The following EME2 variants were observed in gnomAD, a reference collection of about 807,000 sequenced individuals.
The protein encoded by EME2 is essential meiotic structure-specific endonuclease subunit 2.
A neutral mutation model predicts 41.9 loss-of-function variants in EME2; 58 were observed. That is an observed-to-expected ratio of 1.38 (90% CI 1.12 to 1.72). The LOEUF (loss-of-function observed/expected upper bound fraction) is 1.72. EME2 is among the 40% of genes most tolerant of loss of function. The probability of loss-of-function intolerance (pLI) is 0.00; values close to 1 mark genes in which losing one functional copy is unlikely to be tolerated. For synonymous variants in EME2, 334 were observed against 239.3 expected (o/e 1.40, Z -3.65); for missense variants, 695 against 541.9 (o/e 1.28, Z -2.81).
Position 1,781,283 on chromosome 16 carries a change from G to A in EME2, c.*5045G>A, listed in dbSNP as rs767664829. The A allele has an allele frequency of 9.3e-6, 15 of 1,611,760 alleles. No individual in the cohort carries two copies. Among genetic ancestry groups the A allele is most frequent in the East Asian group, 6.7e-5 (3 of 44,894 alleles). On this transcript the variant is annotated 3_prime_UTR_variant, in exon 8 of 8. Coordinates refer to ENST00000568449, the MANE Select transcript of EME2 (RefSeq NM_001257370.2). ...TTTCTCCGACTGATTCCGTGTTCAG[G>A]TAATGTCTGCCTGCCTGCCTAGGGC...
chr16:1,776,346 T>C lies in EME2; in HGVS notation c.*108T>C. ...ATGTGGACCCTCAGCCTGGGTGGGT[T>C]CTCTGGCTGAGCAGGTCTGACCTCA... On this transcript the variant is annotated 3_prime_UTR_variant, in exon 8 of 8. Coordinates refer to ENST00000568449, the MANE Select transcript of EME2 (RefSeq NM_001257370.2). 1.7e-6 allele frequency: 2 copies of C among 1,189,060 alleles called. No individual in the cohort carries two copies. The highest frequency in any genetic ancestry group is 1.4e-5 in the South Asian group (1 of 71,288). The allele number at this position is 1,189,060 out of a possible 1,614,324, so 73.7% of individuals were successfully genotyped here. A position where few individuals can be genotyped will look rare whatever the true frequency, so the allele number is the denominator to read the frequency against.
Position 1,775,038 on chromosome 16 carries a change from C to T in EME2, c.478-3C>T, listed in dbSNP as rs1385734209. On this transcript the variant is annotated splice_polypyrimidine_tract_variant and splice_region_variant and intron_variant, in intron 3 of 7. Coordinates refer to ENST00000568449, the MANE Select transcript of EME2 (RefSeq NM_001257370.2). Reference sequence around the variant, plus strand: ...CAACTGTGCCACACGTTCTCATCTTCAGATCTCTGGCCCAACCCACTGGGT... The same window carrying T: ...CAACTGTGCCACACGTTCTCATCTTTAGATCTCTGGCCCAACCCACTGGGT... 2 of 1,607,526 alleles carry T rather than the reference C, an allele frequency of 1.2e-6. No individual in the cohort carries two copies. Among genetic ancestry groups the T allele is most frequent in the Non-Finnish European group, 1.7e-6 (2 of 1,178,928 alleles).
At chr16:1,775,001 G>C (rs748535400) in intron 3 of EME2, 40 bp from the exon 4 acceptor site, 11 of 1,543,860 alleles carry the variant, frequency 7.1e-6, no homozygotes, top group Non-Finnish European at 9.7e-6. Context: ...ATAGGCCGCA[G>C]CCTCCTGTGA....
At position 1,776,203 on chromosome 16, in the gene EME2, G is replaced by A. The variant is rs775882954; in HGVS notation, c.1105G>A (p.Ala369Thr). 4 of 1,612,618 alleles carry A rather than the reference G, an allele frequency of 2.5e-6. No homozygotes were observed. The highest frequency in any genetic ancestry group is 3.4e-6 in the Non-Finnish European group (4 of 1,179,964). The change falls in exon 8 of 8, where the codon GCC becomes ACC. Residue 369 changes from alanine to threonine, a missense_variant. Coordinates refer to ENST00000568449, the MANE Select transcript of EME2 (RefSeq NM_001257370.2). ...CCGCATCTGCCTCTTCCTGACCACA[G>A]CCAACCCTGATCTCCTGCTGGACCT... ...SRRICLFLTT[A>T]NPDLLLDLGS
intron 1 of EME2, 21 bp from the exon 2 acceptor site, chr16:1,773,684 G>C (rs961733474): frequency 6.5e-7 from 1 of 1,547,872 alleles, no homozygotes; most frequent in African/African-American, 1.4e-5. Context: ...CAGTGACCGC[G>C]CTCCTCTCCC....
intron 7 of EME2, 39 bp downstream of exon 7, chr16:1,776,025 G>T (rs756471725): frequency 1.9e-6 from 3 of 1,605,360 alleles, no homozygotes; most frequent in Non-Finnish European, 2.5e-6. Flanking sequence ...AGGTGCAGAA[G>T]CCCCGTCCCC....
rs1348739190 is a variant in EME2 at position 1,773,267 on chromosome 16, C to T, written c.40C>T (p.Gln14Ter). 3 of 1,459,848 alleles carry T rather than the reference C, an allele frequency of 2.1e-6. No homozygotes were observed. Among genetic ancestry groups the T allele is most frequent in the African/African-American group, 2.9e-5 (2 of 67,802 alleles). The allele number at this position is 1,459,848 out of a possible 1,614,324, so 90.4% of individuals were successfully genotyped here. A position where few individuals can be genotyped will look rare whatever the true frequency, so the allele number is the denominator to read the frequency against. ...VGPGRAGVSC[Q>*]GRGRGRGGSG... ...ACCCGGGAGGGCGGGGGTCTCTTGC[C>T]AGGGCCGGGGCCGGGGACGGGGCGG... is the stretch of plus-strand genomic sequence containing the variant. Residue 14 changes from glutamine (Q) to a stop codon, truncating the protein, a stop_gained, in exon 1 of 8, where the codon CAG becomes TAG. Transcript: ENST00000568449. LOFTEE classifies it high-confidence loss of function.
Position 1,773,265 on chromosome 16 carries a change from G to C in EME2, c.38G>C (p.Cys13Ser). The C allele has an allele frequency of 6.9e-7, 1 of 1,459,592 alleles. No homozygotes were observed. 90.4% of individuals were successfully genotyped at this position (1,459,592 alleles called of 1,614,324 possible). A position where few individuals can be genotyped will look rare whatever the true frequency, so the allele number is the denominator to read the frequency against. Residue 13 changes from cysteine (C) to serine (S), a missense_variant, in exon 1 of 8, where the codon TGC becomes TCC. Cys to Ser is a moderately radical substitution (Grantham distance 112). Transcript: ENST00000568449. ...GGACCCGGGAGGGCGGGGGTCTCTT[G>C]CCAGGGCCGGGGCCGGGGACGGGGC... Reference protein sequence around the residue: ...RVGPGRAGVSCQGRGRGRGGS... With the variant: ...RVGPGRAGVSSQGRGRGRGGS...
rs1369939125 is a variant in EME2, at chr16:1,773,033, G to T, written c.-195G>T. ...AGTCCACCGCGTAGAGCTGGGAGTC[G>T]CGCGGCCTGTTCAGTTGCTCCCGCA... On this transcript the variant is annotated 5_prime_UTR_variant, in exon 1 of 8. Transcript: ENST00000568449. The T allele has an allele frequency of 3.5e-6, 5 of 1,437,434 alleles. No individual in the cohort carries two copies. Among genetic ancestry groups the T allele is most frequent in the Non-Finnish European group, 4.6e-6 (5 of 1,096,660 alleles). The allele number at this position is 1,437,434 out of a possible 1,614,324, so 89.0% of individuals were successfully genotyped here.
chr16:1,777,087 G>C lies in EME2; in HGVS notation c.*849G>C. The C allele has an allele frequency of 6.2e-7, 1 of 1,608,632 alleles. No individual in the cohort carries two copies. Among genetic ancestry groups the C allele is most frequent in the Non-Finnish European group, 8.5e-7 (1 of 1,177,364 alleles). ...CCCAGCCCAAGAAGGCAGTTCCACT[G>C]GGAAGTCAGTCAGGTCCGGCGGCAG... On this transcript the variant is annotated 3_prime_UTR_variant, in exon 8 of 8. Coordinates refer to ENST00000568449, the MANE Select transcript of EME2 (RefSeq NM_001257370.2).
In EME2 at chr16:1,778,269, G is replaced by A. The variant is rs1182396095; in HGVS notation, c.*2031G>A. On this transcript the variant is annotated 3_prime_UTR_variant, in exon 8 of 8. Coordinates refer to ENST00000568449, the MANE Select transcript of EME2 (RefSeq NM_001257370.2). ...GGAAGCTGACCTTACGGTTGTCACAGCTCAGCAGGGTGGCTGATGACTTAT... is the reference window on the plus strand; with the variant it reads ...GGAAGCTGACCTTACGGTTGTCACAACTCAGCAGGGTGGCTGATGACTTAT... The A allele has an allele frequency of 2.5e-6, 4 of 1,612,758 alleles. No individual in the cohort carries two copies. In the Admixed American group the frequency reaches 6.7e-5, roughly 27 times the overall value.
chr16:1,777,833 G>A lies in EME2; in HGVS notation c.*1595G>A. 6.2e-7 allele frequency: 1 copy of A among 1,612,890 alleles called. No homozygotes were observed. The highest frequency in any genetic ancestry group is 8.5e-7 in the Non-Finnish European group (1 of 1,179,902). On this transcript the variant is annotated 3_prime_UTR_variant, in exon 8 of 8. Coordinates refer to ENST00000568449, the MANE Select transcript of EME2 (RefSeq NM_001257370.2). The stretch of plus-strand genomic sequence containing the variant: ...AATGATGGAGCCCTGGCCGAACCGC[G>A]ATGAGAAGCTGGTCTTGTCGCCCTT...
rs1896665024 is a variant in EME2, at chr16:1,780,199, C to G, written c.*3961C>G. 6.6e-6 allele frequency: 1 copy of G among 152,306 alleles called. No individual in the cohort carries two copies. The highest frequency in any genetic ancestry group is 1.5e-5 in the Non-Finnish European group (1 of 68,094). The allele number at this position is 152,306 out of a possible 1,614,324, so 9.4% of individuals were successfully genotyped here. ...GTCAGACACTGGCCTGGCCTGTGGA[C>G]ACGCCCGCGTCCCACAGCCATGACC... is the stretch of plus-strand genomic sequence containing the variant. On this transcript the variant is annotated 3_prime_UTR_variant, in exon 8 of 8. Coordinates refer to ENST00000568449, the MANE Select transcript of EME2 (RefSeq NM_001257370.2).
Position 1,776,648 on chromosome 16 carries a change from G to A in EME2, c.*410G>A. The A allele has an allele frequency of 3.5e-6, 1 of 287,042 alleles. No homozygotes were observed. Among genetic ancestry groups the A allele is most frequent in the Non-Finnish European group, 6.6e-6 (1 of 152,254 alleles). 17.8% of individuals were successfully genotyped at this position (287,042 alleles called of 1,614,324 possible). A position where few individuals can be genotyped will look rare whatever the true frequency, so the allele number is the denominator to read the frequency against. ...AGGATGTGGAGGGGCAGTGAGGCCT[G>A]GGAGAAGGCCCAGGCTGCTCGCAAG... On this transcript the variant is annotated 3_prime_UTR_variant, in exon 8 of 8. Coordinates refer to ENST00000568449, the MANE Select transcript of EME2 (RefSeq NM_001257370.2).
chr16:1,773,598 C>G lies in EME2; in HGVS notation c.248-107C>G, dbSNP rs1275525221. On this transcript the variant is annotated intron_variant, in intron 1 of 7. Transcript: ENST00000568449. ...CCTGGGGCCGGGCCCGCCTCCCAGTCGGGGGTTTGTGCCGAATGGAGACTC... is the reference window on the plus strand; with the variant it reads ...CCTGGGGCCGGGCCCGCCTCCCAGTGGGGGGTTTGTGCCGAATGGAGACTC... The G allele has an allele frequency of 1.0e-5, 16 of 1,526,528 alleles. No individual in the cohort carries two copies. In the African/African-American group the frequency reaches 1.1e-4, roughly 11 times the overall value. 94.6% of individuals were successfully genotyped at this position (1,526,528 alleles called of 1,614,324 possible). A position where few individuals can be genotyped will look rare whatever the true frequency, so the allele number is the denominator to read the frequency against.
chr16:1,776,312 C>A lies in EME2; in HGVS notation c.*74C>A. On this transcript the variant is annotated 3_prime_UTR_variant, in exon 8 of 8. Transcript: ENST00000568449. Reference sequence around the variant, plus strand: ...ACACCCTGGGCGGTGGGGGAGGACCCCCAGCCACATGTGGACCCTCAGCCT... The same window carrying A: ...ACACCCTGGGCGGTGGGGGAGGACCACCAGCCACATGTGGACCCTCAGCCT... The A allele has an allele frequency of 6.7e-7, 1 of 1,497,268 alleles. No homozygotes were observed. Among genetic ancestry groups the A allele is most frequent in the South Asian group, 1.2e-5 (1 of 83,352 alleles). 92.7% of individuals were successfully genotyped at this position (1,497,268 alleles called of 1,614,324 possible). A position where few individuals can be genotyped will look rare whatever the true frequency, so the allele number is the denominator to read the frequency against.
rs368211012 is a variant in EME2, at chr16:1,775,145, C to G, written c.569+13C>G. The G allele has an allele frequency of 2.0e-5, 33 of 1,611,364 alleles. No homozygotes were observed. The highest frequency in any genetic ancestry group is 2.0e-5 in the Non-Finnish European group (24 of 1,179,284). On this transcript the variant is annotated intron_variant, in intron 4 of 7. Coordinates refer to ENST00000568449, the MANE Select transcript of EME2 (RefSeq NM_001257370.2). The stretch of plus-strand genomic sequence containing the variant: ...ATGCCTACCTGTGGTACCGCTCACT[C>G]TCATGCCCACAGCAGGGCTGGCTGG...
chr16:1,780,356 C>G lies in EME2; in HGVS notation c.*4118C>G, dbSNP rs961587684. Reference sequence around the variant, plus strand: ...AAACCGACTGGGAAATCACCCCCCACAGGGACCCCCACCCCTCCCAGCCTC... The same window carrying G: ...AAACCGACTGGGAAATCACCCCCCAGAGGGACCCCCACCCCTCCCAGCCTC... On this transcript the variant is annotated 3_prime_UTR_variant, in exon 8 of 8. Coordinates refer to ENST00000568449, the MANE Select transcript of EME2 (RefSeq NM_001257370.2). 6.8e-6 allele frequency: 1 copy of G among 146,332 alleles called. No homozygotes were observed. Among genetic ancestry groups the G allele is most frequent in the African/African-American group, 2.6e-5 (1 of 39,140 alleles). 9.1% of individuals were successfully genotyped at this position (146,332 alleles called of 1,614,324 possible).
rs185217358 is a variant in EME2 at position 1,778,754 on chromosome 16, G to A, written c.*2516G>A. On this transcript the variant is annotated 3_prime_UTR_variant, in exon 8 of 8. Coordinates refer to ENST00000568449, the MANE Select transcript of EME2 (RefSeq NM_001257370.2). ...GCCTCCAGGGACTTCACAGTACCCC[G>A]AGCGCACAGCCCAGGCTCCCTCCCA... 1.4e-3 allele frequency: 1,308 copies of A among 904,142 alleles called. 13 individuals are homozygous for A. The African/African-American group carries it at 0.017, about 12-fold the overall frequency. The allele number at this position is 904,142 out of a possible 1,614,324, so 56.0% of individuals were successfully genotyped here.
Sources: gnomAD v4.1 joint callset for allele counts on GRCh38, gnomAD v4.1.1 for gene constraint, MANE v1.5 for transcripts, NCBI Gene and HGNC (gene_info 2026-07-23, HGNC 2026-07-21) for gene names.